LRIG2: variants seen among roughly 807,000 people sequenced by gnomAD.
The protein encoded by LRIG2 is leucine rich repeats and immunoglobulin like domains 2, also known as leucine-rich repeats and immunoglobulin-like domains protein 2.
LRIG2 carries 93 observed loss-of-function variants against 107.8 expected under a neutral mutation model. The ratio of observed to expected loss-of-function variants is 0.86; its 90% confidence interval spans 0.73 to 1.03. LRIG2 has a LOEUF of 1.03. Ranked by LOEUF, LRIG2 falls within the 50% of genes least tolerant of loss-of-function variation. The probability of loss-of-function intolerance (pLI) is 0.00; values close to 1 mark genes in which losing one functional copy is unlikely to be tolerated. For synonymous variants in LRIG2, 471 were observed against 470.6 expected, an observed-to-expected ratio of 1.00 and a Z score of -0.01; for missense variants, 1,226 against 1,296.0, an observed-to-expected ratio of 0.95 and a Z score of 0.83.
chr1:113,082,986 G>A (rs1023159313), intron 1 of LRIG2, among the ~76,000 whole-genome samples: 10 of 151,710 alleles, frequency 6.6e-5, no homozygotes, highest in African/African-American at 2.4e-4. Context: ...ATGGCTCAGT[G>A]CAGCCTCAAC....
At position 113,123,793 on chromosome 1, in the gene LRIG2, A is replaced by T. The variant is rs1420678862; in HGVS notation, c.2972-82A>T. On this transcript the variant is annotated intron_variant, in intron 17 of 17. Coordinates refer to ENST00000361127, the MANE Select transcript of LRIG2 (RefSeq NM_014813.3). ...GTGTCCCTATTCAGGAATATTGAAC[A>T]TCTTTATTTCTTTGAGGATTTGGCT... The T allele has an allele frequency of 1.1e-5, 11 of 1,029,098 alleles. No individual in the cohort carries two copies. The South Asian group carries it at 1.6e-4, about 15-fold the overall frequency. The allele number at this position is 1,029,098 out of a possible 1,614,324, so 63.7% of individuals were successfully genotyped here.
intron 17 of LRIG2, 57 bp downstream of exon 17, chr1:113,119,580 C>A: frequency 6.6e-7 from 1 of 1,522,284 alleles, no homozygotes; most frequent in Admixed American, 1.9e-5. Flanking sequence ...TTGACTCTTC[C>A]TTCTATCATA....
At chr1:113,089,364 A>T (rs1273446520) in intron 1 of LRIG2, among the ~76,000 whole-genome samples, 5 of 152,234 alleles carry the variant, frequency 3.3e-5, no homozygotes, top group Non-Finnish European at 7.3e-5. Context: ...GACTTGACTA[A>T]TTTCAGTGAA....
intron 1 of LRIG2, among the ~76,000 whole-genome samples, chr1:113,085,836 A>G (rs1268342968): frequency 6.6e-6 from 1 of 152,164 alleles, no homozygotes; most frequent in East Asian, 1.9e-4. Context: ...GAGAGCTTTT[A>G]GTGTAAAGCT....
chr1:113,107,960 A>C, intron 12 of LRIG2: 1 of 534,396 alleles, frequency 1.9e-6, no homozygotes, highest in Non-Finnish European at 3.2e-6. Context: ...GGTATTTGGT[A>C]GTCAGATTCC....
At chr1:113,098,003 C>T (rs1380063032) in intron 8 of LRIG2, among the ~76,000 whole-genome samples, 2 of 152,098 alleles carry the variant, frequency 1.3e-5, no homozygotes, top group South Asian at 2.1e-4. Flanking sequence ...AAGCTTTGTG[C>T]TTTATTATGA....
At chr1:113,094,259 A>G (rs773104116) in intron 4 of LRIG2, 80 bp from the exon 5 acceptor site, 106 of 1,017,166 alleles carry the variant, frequency 1.0e-4, no homozygotes, top group Admixed American at 3.5e-4. Context: ...GGGCTTAGAC[A>G]TAGATTTTTG....
At chr1:113,075,692 C>CTTTTTTTTTTTTTTTTT (rs34293194) in intron 1 of LRIG2, among the ~76,000 whole-genome samples, 1 of 117,742 alleles carries the variant, frequency 8.5e-6, no homozygotes, top group African/African-American at 3.3e-5. Context: ...GTGGCCTATA[C>CTTTTTTTTTTTTTTTTT]TTTTTTTTTT....
intron 1 of LRIG2, among the ~76,000 whole-genome samples, chr1:113,076,282 A>G (rs1210770927): frequency 1.3e-5 from 2 of 152,254 alleles, no homozygotes; most frequent in Non-Finnish European, 2.9e-5. Context: ...CTAGGATTAC[A>G]GGCACGAGCC....
intron 1 of LRIG2, 38 bp from the exon 2 acceptor site, chr1:113,091,280 C>T: frequency 7.3e-7 from 1 of 1,377,126 alleles, no homozygotes; most frequent in Non-Finnish European, 1.0e-6. Flanking sequence ...GTCTACTTTC[C>T]AGGACTAAAC....
In LRIG2 at chr1:113,126,046, A is replaced by G. The variant is rs1388594403; in HGVS notation, c.*1945A>G. ...TCTTCCTACTATCACAATCAGGACT[A>G]TGACTGGATTTCTCAGTCTCAGTGC... On this transcript the variant is annotated 3_prime_UTR_variant, in exon 18 of 18. Coordinates refer to ENST00000361127, the MANE Select transcript of LRIG2 (RefSeq NM_014813.3). 1 of 152,170 alleles carries G rather than the reference A, an allele frequency of 6.6e-6. No individual in the cohort carries two copies. Among genetic ancestry groups the G allele is most frequent in the Non-Finnish European group, 1.5e-5 (1 of 68,028 alleles). The allele number at this position is 152,170 out of a possible 1,614,324, so 9.4% of individuals were successfully genotyped here.
intron 1 of LRIG2, among the ~76,000 whole-genome samples, chr1:113,076,055 GA>G (rs1166598497): frequency 6.6e-6 from 1 of 151,054 alleles, no homozygotes; most frequent in East Asian, 1.9e-4. Context: ...ACCCAGGCTG[GA>G]GTGCAGTGGC....
In LRIG2 at chr1:113,127,825, C is replaced by T. The variant is rs549539532; in HGVS notation, c.*3724C>T. 14 of 152,278 alleles carry T rather than the reference C, an allele frequency of 9.2e-5. No homozygotes were observed. In the East Asian group the frequency reaches 2.7e-3, roughly 29 times the overall value. The allele number at this position is 152,278 out of a possible 1,614,324, so 9.4% of individuals were successfully genotyped here. On this transcript the variant is annotated 3_prime_UTR_variant, in exon 18 of 18. Transcript: ENST00000361127. ...TCAGGTGATCCACCCGCCTCGGCCTCCTAGAGTGCTGGGATTACAGGCGTG... is the reference window on the plus strand; with the variant it reads ...TCAGGTGATCCACCCGCCTCGGCCTTCTAGAGTGCTGGGATTACAGGCGTG...
intron 1 of LRIG2, among the ~76,000 whole-genome samples, chr1:113,083,855 G>A (rs767977158): frequency 3.4e-4 from 38 of 110,530 alleles, no homozygotes; most frequent in South Asian, 3.7e-4. Flanking sequence ...GCCTGTTGTG[G>A]GGTGGGGGGA....
intron 11 of LRIG2, among the ~76,000 whole-genome samples, chr1:113,102,996 T>C (rs1466153330): frequency 2.7e-5 from 1 of 37,558 alleles, no homozygotes; most frequent in South Asian, 2.1e-3. Flanking sequence ...ATTAGTATAC[T>C]CCGCCCCCCT....
chr1:113,094,531 G>T lies in LRIG2; in HGVS notation c.659+49G>T, dbSNP rs753693297. ...ATAAGAAGATAGTTTTTTCTTACAG[G>T]GTCTTTTTCTTTTTAATTTAATTAC... On this transcript the variant is annotated intron_variant, in intron 5 of 17. Transcript: ENST00000361127. The T allele has an allele frequency of 8.9e-6, 14 of 1,571,220 alleles. No homozygotes were observed. In the Admixed American group the frequency reaches 2.8e-4, roughly 32 times the overall value.
At chr1:113,085,690 A>G (rs1369660821) in intron 1 of LRIG2, among the ~76,000 whole-genome samples, 1 of 152,210 alleles carries the variant, frequency 6.6e-6, no homozygotes, top group Non-Finnish European at 1.5e-5. Context: ...GAAAAGACTC[A>G]GATCTCATTT....
At chr1:113,105,449 A>T (rs1654500999) in intron 11 of LRIG2, among the ~76,000 whole-genome samples, 1 of 152,180 alleles carries the variant, frequency 6.6e-6, no homozygotes. Context: ...ACTTTAATGG[A>T]AAGTATTTTA....
At chr1:113,082,709 A>G (rs1258017507) in intron 1 of LRIG2, among the ~76,000 whole-genome samples, 7 of 152,156 alleles carry the variant, frequency 4.6e-5, no homozygotes, top group Admixed American at 4.6e-4. Context: ...GCTGGAGTGC[A>G]GTGGTGAGAT....
Sources: allele counts gnomAD v4.1 joint callset (sites outside exome capture counted in the v4.1 genomes callset), GRCh38; gene constraint gnomAD v4.1.1; transcripts MANE v1.5; gene names NCBI Gene and HGNC (gene_info 2026-07-23, HGNC 2026-07-21).